DMWD: variants seen among roughly 807,000 people sequenced by gnomAD.
The protein encoded by DMWD is dystrophia myotonica WD repeat-containing protein.
Under a neutral mutation model 45.8 loss-of-function variants are expected in DMWD, and 19 were observed. That is an observed-to-expected ratio of 0.41 (90% confidence interval 0.29 to 0.61). The LOEUF (loss-of-function observed/expected upper bound fraction) is 0.61. Among genes scored for constraint, DMWD ranks in the 20% least tolerant of loss-of-function variants. The probability of loss-of-function intolerance (pLI) is 0.25; values close to 1 mark genes in which losing one functional copy is unlikely to be tolerated. For missense variants in DMWD, 802 were observed against 965.2 expected (o/e 0.83, Z 2.24); for synonymous variants, 515 against 440.5 (o/e 1.17, Z -2.12).
chr19:45,792,670 G>A lies in DMWD; in HGVS notation c.87C>T (p.Arg29=). The change falls in exon 1 of 5, where the codon CGC becomes CGT. Residue 29 remains arginine, a synonymous_variant. Transcript: ENST00000270223. ...CCGGGAGTAGCTTGTAGAAACCCTC[G>A]CGCGTGCGGAATTGCGACTTAATCT... ...CAEIKSQFRT[R]EGFYKLLPGD... is the part of the protein sequence containing the mutation. 1 of 1,313,540 alleles carries A rather than the reference G, an allele frequency of 7.6e-7. No individual in the cohort carries two copies. The highest frequency in any genetic ancestry group is 9.8e-7 in the Non-Finnish European group (1 of 1,015,596). The allele number at this position is 1,313,540 out of a possible 1,614,324, so 81.4% of individuals were successfully genotyped here.
chr19:45,787,067 G>A (rs1970290369), intron 2 of DMWD, 196 bp from the exon 3 acceptor site: 1 of 1,003,056 alleles, frequency 1.0e-6, no homozygotes, highest in Non-Finnish European at 1.4e-6. Context: ...TGGAAACATG[G>A]GGAAACAGAG....
intron 2 of DMWD, chr19:45,787,082 C>G: frequency 1.1e-6 from 1 of 909,384 alleles, no homozygotes; most frequent in East Asian, 2.7e-5. Context: ...ACAGAGGCTG[C>G]TGCAAGGTGG....
rs916825574 is a variant in DMWD, at chr19:45,786,978, A to C, written c.625-107T>G. On this transcript the variant is annotated intron_variant, in intron 2 of 4. Coordinates refer to ENST00000270223, the MANE Select transcript of DMWD (RefSeq NM_004943.2). ...GGCCGTTGGACATGGCCCCGCTCACACAGCAGGTGCCACACCAGGCCCAGG... is the reference window on the plus strand; with the variant it reads ...GGCCGTTGGACATGGCCCCGCTCACCCAGCAGGTGCCACACCAGGCCCAGG... 7 of 1,497,418 alleles carry C rather than the reference A, an allele frequency of 4.7e-6. No individual in the cohort carries two copies. In the Admixed American group the frequency reaches 1.1e-4, roughly 23 times the overall value. The allele number at this position is 1,497,418 out of a possible 1,614,324, so 92.8% of individuals were successfully genotyped here.
intron 3 of DMWD, 63 bp from the exon 4 acceptor site, chr19:45,784,778 CCT>C (rs1970248934): frequency 1.3e-6 from 2 of 1,582,154 alleles, no homozygotes; most frequent in East Asian, 2.2e-5. Context: ...ACCACTCTTG[CCT>C]CTGAGTCACT....
chr19:45,792,274 C>T (rs1970364827), intron 1 of DMWD, 42 bp downstream of exon 1: 4 of 1,585,596 alleles, frequency 2.5e-6, no homozygotes, highest in Non-Finnish European at 3.4e-6. Context: ...CTGGAACCTC[C>T]ATCCTTTCAG....
At position 45,787,615 on chromosome 19, in the gene DMWD, T is replaced by C. The variant is rs115678703; in HGVS notation, c.625-744A>G. Among the ~76,000 whole-genome samples the C allele has an allele frequency of 2.3e-3, 343 of 152,360 alleles. 2 individuals are homozygous for C. Among genetic ancestry groups the C allele is most frequent in the African/African-American group, 8.0e-3 (331 of 41,586 alleles). ...GCGATCTTTGTTTGGTTCACTATTC[T>C]TTAAAGCAGTGCACACAGGAGGCAG... On this transcript the variant is annotated intron_variant, in intron 2 of 4. Transcript: ENST00000270223.
chr19:45,792,571 C>CG lies in DMWD; in HGVS notation c.185dup (p.Pro63AlafsTer71). 8.0e-7 allele frequency: 1 copy of CG among 1,253,336 alleles called. No homozygotes were observed. Among genetic ancestry groups the CG allele is most frequent in the Non-Finnish European group, 1.0e-6 (1 of 984,922 alleles). The allele number at this position is 1,253,336 out of a possible 1,614,324, so 77.6% of individuals were successfully genotyped here. A position where few individuals can be genotyped will look rare whatever the true frequency, so the allele number is the denominator to read the frequency against. On this transcript the variant is annotated frameshift_variant, in exon 1 of 5. Transcript: ENST00000270223. LOFTEE classifies it high-confidence loss of function. ...GACCGGAGGCGGAGGCAGGGCCGGG[C>CG]GGGGGCTGCGGTGGCTGAGGCGGCA... is the stretch of plus-strand genomic sequence containing the variant.
chr19:45,785,333 C>T (rs1474499256), intron 3 of DMWD: 2 of 1,218,262 alleles, frequency 1.6e-6, no homozygotes, highest in Non-Finnish European at 2.0e-6. Context: ...TGCTGCCCTT[C>T]AGACGGCCAG....
intron 2 of DMWD, chr19:45,789,713 T>G (rs1970329163): frequency 3.9e-5 from 6 of 152,270 alleles, no homozygotes; most frequent in Admixed American, 3.9e-4. Flanking sequence ...CTGTATCCAC[T>G]GGTTGATGAA....
chr19:45,785,741 C>T lies in DMWD; in HGVS notation c.1755G>A (p.Pro585=), dbSNP rs776485718. The stretch of plus-strand genomic sequence containing the variant: ...CCAGCAGGGGCACCTCGTGGATGCG[C>T]GGGCACAGCGCAGTGCCCAGCACCT... ...PAKVLGTALC[P]RIHEVPLLEP... is the part of the protein sequence containing the mutation. The change falls in exon 3 of 5, where the codon CCG becomes CCA. Residue 585 remains proline, a synonymous_variant. Transcript: ENST00000270223. 6.8e-6 allele frequency: 11 copies of T among 1,607,458 alleles called. No homozygotes were observed. Among genetic ancestry groups the T allele is most frequent in the African/African-American group, 4.0e-5 (3 of 74,776 alleles).
rs1970215494 is a variant in DMWD, at chr19:45,783,619, C to A, written c.*624G>T. On this transcript the variant is annotated 3_prime_UTR_variant, in exon 5 of 5. Coordinates refer to ENST00000270223, the MANE Select transcript of DMWD (RefSeq NM_004943.2). ...CTGCTATGAAAAGGGGTGGGAGGCG[C>A]TGGGCTGGGAGCAGGCCTGCACTCC... 2.5e-6 allele frequency: 1 copy of A among 398,792 alleles called. No individual in the cohort carries two copies. Among genetic ancestry groups the A allele is most frequent in the Admixed American group, 4.4e-5 (1 of 22,716 alleles). 24.7% of individuals were successfully genotyped at this position (398,792 alleles called of 1,614,324 possible). A position where few individuals can be genotyped will look rare whatever the true frequency, so the allele number is the denominator to read the frequency against.
intron 4 of DMWD, 71 bp from the exon 5 acceptor site, chr19:45,784,361 G>T: frequency 6.9e-7 from 1 of 1,449,254 alleles, no homozygotes; most frequent in Non-Finnish European, 9.2e-7. Flanking sequence ...TCAAGGGGAG[G>T]GAGCCAGCCC....
chr19:45,792,007 C>T (rs1428870943), intron 1 of DMWD, among the ~76,000 whole-genome samples: 2 of 152,132 alleles, frequency 1.3e-5, no homozygotes, highest in African/African-American at 4.8e-5. Context: ...GCCTGCCACC[C>T]CAGAACCCGG....
chr19:45,786,922 G>T, intron 2 of DMWD, 51 bp from the exon 3 acceptor site: 1 of 1,569,006 alleles, frequency 6.4e-7, no homozygotes, highest in South Asian at 1.2e-5. Flanking sequence ...AACCCAGGCA[G>T]AACTTCTCCC....
rs779740321 is a variant in DMWD, at chr19:45,786,090, G to A, written c.1406C>T (p.Thr469Met). 24 of 1,518,290 alleles carry A rather than the reference G, an allele frequency of 1.6e-5. No individual in the cohort carries two copies. Among genetic ancestry groups the A allele is most frequent in the Admixed American group, 4.3e-5 (2 of 46,502 alleles). The allele number at this position is 1,518,290 out of a possible 1,614,324, so 94.1% of individuals were successfully genotyped here. A position where few individuals can be genotyped will look rare whatever the true frequency, so the allele number is the denominator to read the frequency against. ...CCTCGAGCTGCTGGCGGCCGGTGGC[G>A]TGGTGCCAGGTGTGCCAGGGAGGGT... is the stretch of plus-strand genomic sequence containing the variant. ...TRTLPGTPGT[T>M]PPAASSSRGG... Residue 469 changes from threonine to methionine, a missense_variant, in exon 3 of 5, where the codon ACG becomes ATG. Thr to Met is a moderately conservative substitution (Grantham distance 81). This residue lies in a region of DMWD where 303 missense variants were observed against 332.9 expected (regional missense o/e 0.91). Coordinates refer to ENST00000270223, the MANE Select transcript of DMWD (RefSeq NM_004943.2).
intron 1 of DMWD, among the ~76,000 whole-genome samples, chr19:45,791,960 C>G (rs1364198343): frequency 6.6e-5 from 10 of 152,144 alleles, no homozygotes; most frequent in Non-Finnish European, 1.5e-5. Context: ...CACCTCTGGG[C>G]TTGCATCACC....
Position 45,792,186 on chromosome 19 carries a change from T to A in DMWD, c.441+130A>T. 2.9e-6 allele frequency: 4 copies of A among 1,388,762 alleles called. No homozygotes were observed. The South Asian group carries it at 6.1e-5, about 21-fold the overall frequency. 86.0% of individuals were successfully genotyped at this position (1,388,762 alleles called of 1,614,324 possible). A position where few individuals can be genotyped will look rare whatever the true frequency, so the allele number is the denominator to read the frequency against. ...GAATCCTGTACTCCCTCCAATGCTG[T>A]CGCCCTACAACGTCCATCACATTTA... On this transcript the variant is annotated intron_variant, in intron 1 of 4. Coordinates refer to ENST00000270223, the MANE Select transcript of DMWD (RefSeq NM_004943.2).
At position 45,783,712 on chromosome 19, in the gene DMWD, C is replaced by G. The variant is rs944576865; in HGVS notation, c.*531G>C. 1 of 429,862 alleles carries G rather than the reference C, an allele frequency of 2.3e-6. No homozygotes were observed. Among genetic ancestry groups the G allele is most frequent in the Non-Finnish European group, 4.1e-6 (1 of 246,794 alleles). The allele number at this position is 429,862 out of a possible 1,614,324, so 26.6% of individuals were successfully genotyped here. A position where few individuals can be genotyped will look rare whatever the true frequency, so the allele number is the denominator to read the frequency against. On this transcript the variant is annotated 3_prime_UTR_variant, in exon 5 of 5. Coordinates refer to ENST00000270223, the MANE Select transcript of DMWD (RefSeq NM_004943.2). ...CACAGGTCCTCTACATCATCTCCTC[C>G]GAAGGGGACAGACCCGCTGAGAAAA...
rs1481273756 is a variant in DMWD at position 45,792,384 on chromosome 19, G to A, written c.373C>T (p.Arg125Cys). The change falls in exon 1 of 5, where the codon CGC becomes TGC. Residue 125 changes from arginine to cysteine, a missense_variant. Physicochemically the swap from Arg to Cys is radical, Grantham distance 180. Around this residue, in one of 9 missense-constraint regions of DMWD, gnomAD observed 82 missense variants for 92.9 expected, o/e 0.88. Coordinates refer to ENST00000270223, the MANE Select transcript of DMWD (RefSeq NM_004943.2). ...TCACGGCCCAAGTTGAAGCAGACGC[G>A]GTCTCCCCCCGAGCCCAGCCCCGCG... ...TPAGLGSGGD[R>C]VCFNLGRELY... 1 of 1,604,930 alleles carries A rather than the reference G, an allele frequency of 6.2e-7. No individual in the cohort carries two copies. Among genetic ancestry groups the A allele is most frequent in the Non-Finnish European group, 8.5e-7 (1 of 1,176,066 alleles).
Sources: gnomAD v4.1 joint callset for allele counts (sites outside exome capture counted in the v4.1 genomes callset) on GRCh38, gnomAD v4.1.1 for gene constraint, gnomAD v4.1.1 regional missense constraint, MANE v1.5 for transcripts, NCBI Gene and HGNC (gene_info 2026-07-23, HGNC 2026-07-21) for gene names.